The following SAMD5 variants were observed in gnomAD, a reference collection of about 807,000 sequenced individuals.
SAMD5 encodes the protein sterile alpha motif domain-containing protein 5.
SAMD5 carries 13 observed loss-of-function variants against 11.3 expected under a neutral mutation model. The ratio of observed to expected loss-of-function variants is 1.15; its 90% CI spans 0.75 to 1.83. SAMD5 has a LOEUF of 1.83. Among genes scored for constraint, SAMD5 ranks in the 40% most tolerant of loss-of-function variants. The pLI, the probability that SAMD5 is intolerant of heterozygous loss-of-function variation, is 0.00. For synonymous variants in SAMD5, 129 were observed against 111.3 expected, an observed-to-expected ratio of 1.16 and a Z score of -1.00; for missense variants, 255 against 239.1, an observed-to-expected ratio of 1.07 and a Z score of -0.44.
intron 1 of SAMD5, among the ~76,000 whole-genome samples, chr6:147,514,502 T>G (rs1180487885): frequency 1.3e-5 from 2 of 151,526 alleles, no homozygotes; most frequent in Non-Finnish European, 2.9e-5. Context: ...AGTATGCACA[T>G]TAAGAAGGTA....
chr6:147,613,491 G>A (rs1789817280), intron 1 of SAMD5, among the ~76,000 whole-genome samples: 1 of 151,708 alleles, frequency 6.6e-6, no homozygotes, highest in Non-Finnish European at 1.5e-5. Context: ...CTGCCACCTT[G>A]AGACCACTCT....
chr6:147,871,923 T>C, the SAMD5 span, among the ~76,000 whole-genome samples: 1 of 152,198 alleles, frequency 6.6e-6, no homozygotes, highest in Non-Finnish European at 1.5e-5. Flanking sequence ...TTCAAAGTAA[T>C]TAAAGAGAAA....
At chr6:147,907,354 T>C in the SAMD5 span, among the ~76,000 whole-genome samples, 18 of 152,220 alleles carry the variant, frequency 1.2e-4, no homozygotes, top group Non-Finnish European at 1.9e-4. Context: ...TGCTGGGCAA[T>C]GGACATCAAA....
the SAMD5 span, among the ~76,000 whole-genome samples, chr6:147,880,346 C>A: frequency 6.6e-6 from 1 of 152,012 alleles, no homozygotes; most frequent in Non-Finnish European, 1.5e-5. Flanking sequence ...TTCTTTCTCT[C>A]TGGGTCTCTC....
rs1789035060 is a variant in SAMD5 at position 147,566,026 on chromosome 6, C to G, written c.*1570C>G. On this transcript the variant is annotated 3_prime_UTR_variant, in exon 2 of 2. Transcript: ENST00000367474. ...AAACTTACATTCACTTTTTCCTGGT[C>G]CATTTTGGTTCCTAAGAATAGATAG... 1.0e-6 allele frequency: 1 copy of G among 985,142 alleles called. No homozygotes were observed. The allele number at this position is 985,142 out of a possible 1,614,324, so 61.0% of individuals were successfully genotyped here. A position where few individuals can be genotyped will look rare whatever the true frequency, so the allele number is the denominator to read the frequency against.
chr6:147,661,448 G>T (rs1410447097), intron 1 of SAMD5, among the ~76,000 whole-genome samples: 2 of 152,126 alleles, frequency 1.3e-5, no homozygotes, highest in Non-Finnish European at 2.9e-5. Context: ...TATCTTTGAA[G>T]TGTAGGAGCA....
chr6:147,614,897 T>C (rs1789842749), intron 1 of SAMD5, among the ~76,000 whole-genome samples: 1 of 151,920 alleles, frequency 6.6e-6, no homozygotes, highest in Non-Finnish European at 1.5e-5. Flanking sequence ...CTGAAAATAT[T>C]TGGGAAAAAA....
At chr6:147,903,519 A>AC in the SAMD5 span, among the ~76,000 whole-genome samples, 2 of 152,220 alleles carry the variant, frequency 1.3e-5, no homozygotes, top group Admixed American at 6.5e-5. Context: ...TGGTGGACTG[A>AC]CCACAAATGG....
intron 1 of SAMD5, among the ~76,000 whole-genome samples, chr6:147,730,929 G>C (rs1791704048): frequency 6.6e-6 from 1 of 152,124 alleles, no homozygotes; most frequent in African/African-American, 2.4e-5. Context: ...GGTCAGAGTA[G>C]ACTCAAGAGA....
At chr6:147,570,277 G>A (rs1226046995), downstream of SAMD5, among the ~76,000 whole-genome samples, 4 of 152,132 alleles carry the variant, frequency 2.6e-5, no homozygotes, top group African/African-American at 9.7e-5. Context: ...TCTCTTGTGT[G>A]ATTCTGTGCC....
chr6:147,632,810 T>C (rs1172481538), intron 1 of SAMD5, among the ~76,000 whole-genome samples: 1 of 152,240 alleles, frequency 6.6e-6, no homozygotes, highest in African/African-American at 2.4e-5. Context: ...AGATTAGTAC[T>C]ACTTATAACT....
chr6:147,707,901 G>A (rs79375164), intron 1 of SAMD5, among the ~76,000 whole-genome samples: 5,793 of 152,196 alleles, frequency 0.038, 160 homozygotes, highest in Non-Finnish European at 0.057. Context: ...GTGGGGTTAA[G>A]GTTAGGGAGC....
chr6:147,916,219 G>A, the SAMD5 span, among the ~76,000 whole-genome samples: 1 of 152,044 alleles, frequency 6.6e-6, no homozygotes, highest in African/African-American at 2.4e-5. Context: ...ACATACATGT[G>A]CATGTGTCTT....
chr6:147,902,232 T>G, the SAMD5 span, among the ~76,000 whole-genome samples: 1 of 152,202 alleles, frequency 6.6e-6, no homozygotes, highest in Non-Finnish European at 1.5e-5. Context: ...ATTTGACATT[T>G]ATCACATTTG....
intron 1 of SAMD5, among the ~76,000 whole-genome samples, chr6:147,528,020 A>G (rs1788371123): frequency 6.6e-6 from 1 of 151,986 alleles, no homozygotes; most frequent in South Asian, 2.1e-4. Context: ...AAACAACCAG[A>G]TCTTGTGAGA....
intron 1 of SAMD5, among the ~76,000 whole-genome samples, chr6:147,683,301 A>G (rs1436599389): frequency 6.6e-6 from 1 of 152,190 alleles, no homozygotes; most frequent in Non-Finnish European, 1.5e-5. Flanking sequence ...ATAATCACAG[A>G]CCCTGTATTT....
rs71552979 is a variant in SAMD5, at chr6:147,569,219, T to TAA, written c.*4778_*4779dup. 6.7e-3 allele frequency: 1,444 copies of TAA among 214,610 alleles called. 2 individuals carry two copies. Among genetic ancestry groups the TAA allele is most frequent in the South Asian group, 0.029 (163 of 5,690 alleles). 13.3% of individuals were successfully genotyped at this position (214,610 alleles called of 1,614,324 possible). A position where few individuals can be genotyped will look rare whatever the true frequency, so the allele number is the denominator to read the frequency against. The stretch of plus-strand genomic sequence containing the variant: ...CTGGGCAACAGAGTGAGACTCTGTC[T>TAA]AAAAAAAAAAAAAAAAGAAAAGAAA... On this transcript the variant is annotated 3_prime_UTR_variant, in exon 2 of 2. Transcript: ENST00000367474.
At chr6:147,594,577 G>T (rs1355645727) in intron 1 of SAMD5, among the ~76,000 whole-genome samples, 3 of 152,080 alleles carry the variant, frequency 2.0e-5, no homozygotes, top group Non-Finnish European at 2.9e-5. Flanking sequence ...TTATTAAACA[G>T]ATATAATAGA....
chr6:147,536,052 C>T (rs906545686), intron 1 of SAMD5, among the ~76,000 whole-genome samples: 3 of 151,666 alleles, frequency 2.0e-5, no homozygotes, highest in Admixed American at 6.6e-5. Flanking sequence ...GGCACGATCT[C>T]GACTCACTGC....
Sources: gnomAD v4.1 joint callset for allele counts (sites outside exome capture counted in the v4.1 genomes callset) on GRCh38, gnomAD v4.1.1 for gene constraint, MANE v1.5 for transcripts, NCBI Gene and HGNC (gene_info 2026-07-23, HGNC 2026-07-21) for gene names.